The following REDIC1 variants were observed in gnomAD, a reference collection of about 807,000 sequenced individuals.
The protein encoded by REDIC1 is regulator of DNA class I crossover intermediates 1.
chr12:39,666,434 T>A, the REDIC1 span, among the ~76,000 whole-genome samples: 1 of 152,202 alleles, frequency 6.6e-6, no homozygotes, highest in Non-Finnish European at 1.5e-5. Context: ...TCATGGTGGA[T>A]AAGCTTTTTG....
chr12:39,702,943 A>G, the REDIC1 span, among the ~76,000 whole-genome samples: 1 of 152,198 alleles, frequency 6.6e-6, no homozygotes, highest in South Asian at 2.1e-4. Flanking sequence ...TCAAAATAAT[A>G]AGAGCTATCT....
the REDIC1 span, among the ~76,000 whole-genome samples, chr12:39,711,655 GTA>G: frequency 2.0e-3 from 286 of 139,520 alleles, 6 homozygotes; most frequent in African/African-American, 7.1e-3. Flanking sequence ...ACACATGTAT[GTA>G]TGTCTATACA....
the REDIC1 span, among the ~76,000 whole-genome samples, chr12:39,698,368 G>A: frequency 6.6e-6 from 1 of 152,004 alleles, no homozygotes; most frequent in Non-Finnish European, 1.5e-5. Flanking sequence ...GAGTGAAAGA[G>A]GAAGAGACAC....
chr12:39,721,010 C>T, the REDIC1 span: 1 of 1,613,716 alleles, frequency 6.2e-7, no homozygotes, highest in Non-Finnish European at 8.5e-7. Context: ...CAGTGCAATT[C>T]AGCCCACATT....
the REDIC1 span, among the ~76,000 whole-genome samples, chr12:39,695,879 C>G: frequency 6.6e-6 from 1 of 152,332 alleles, no homozygotes; most frequent in East Asian, 1.9e-4. Flanking sequence ...TCCCTCCACC[C>G]TTAGCTTCAG....
At chr12:39,752,187 A>G in the REDIC1 span, among the ~76,000 whole-genome samples, 20,839 of 152,200 alleles carry the variant, frequency 0.14, 1,691 homozygotes, top group East Asian at 0.39. Flanking sequence ...CCATGGACGC[A>G]TATTGGTTTG....
chr12:39,703,072 A>C, the REDIC1 span, among the ~76,000 whole-genome samples: 1 of 152,230 alleles, frequency 6.6e-6, no homozygotes, highest in Non-Finnish European at 1.5e-5. Flanking sequence ...TAGTGTTGGA[A>C]GTTCTGGCCA....
At chr12:39,842,438 G>A in the REDIC1 span, among the ~76,000 whole-genome samples, 1 of 151,898 alleles carries the variant, frequency 6.6e-6, no homozygotes, top group South Asian at 2.1e-4. Context: ...GTAAAGTTAT[G>A]CCATTGAGAA....
At chr12:39,676,204 A>G in the REDIC1 span, among the ~76,000 whole-genome samples, 2 of 152,134 alleles carry the variant, frequency 1.3e-5, no homozygotes, top group East Asian at 3.9e-4. Flanking sequence ...AAAAAAAAAA[A>G]ACCAGATATG....
At chr12:39,746,914 A>C in the REDIC1 span, among the ~76,000 whole-genome samples, 1 of 152,158 alleles carries the variant, frequency 6.6e-6, no homozygotes, top group Non-Finnish European at 1.5e-5. Flanking sequence ...TCCACACCAA[A>C]AACTTATCTG....
chr12:39,800,104 A>G, the REDIC1 span, among the ~76,000 whole-genome samples: 1 of 152,212 alleles, frequency 6.6e-6, no homozygotes, highest in African/African-American at 2.4e-5. Flanking sequence ...TAGGTACAAT[A>G]AAAAATCAGG....
chr12:39,664,686 C>T, the REDIC1 span, among the ~76,000 whole-genome samples: 1 of 152,170 alleles, frequency 6.6e-6, no homozygotes, highest in African/African-American at 2.4e-5. Flanking sequence ...GTTTACAGTC[C>T]CACCAACAGT....
chr12:39,863,368 T>C, the REDIC1 span, among the ~76,000 whole-genome samples: 1 of 152,170 alleles, frequency 6.6e-6, no homozygotes, highest in African/African-American at 2.4e-5. Context: ...GTCATTCCTT[T>C]CCTATATCAG....
the REDIC1 span, among the ~76,000 whole-genome samples, chr12:39,703,777 A>T: frequency 6.6e-6 from 1 of 152,176 alleles, no homozygotes; most frequent in Non-Finnish European, 1.5e-5. Context: ...ATAACGCCAC[A>T]TATCTACAAC....
chr12:39,712,411 C>T, the REDIC1 span, among the ~76,000 whole-genome samples: 1 of 125,272 alleles, frequency 8.0e-6, no homozygotes. Context: ...TATATACATA[C>T]GTATATACAT....
chr12:39,829,847 A>C, the REDIC1 span: 2 of 431,732 alleles, frequency 4.6e-6, no homozygotes, highest in Non-Finnish European at 8.4e-6. Context: ...GCTGCCTAAA[A>C]CTAAAGATCC....
the REDIC1 span, among the ~76,000 whole-genome samples, chr12:39,774,907 T>C: frequency 3.9e-4 from 60 of 152,228 alleles, no homozygotes; most frequent in African/African-American, 1.4e-3. Flanking sequence ...AATGATAACA[T>C]TTAAAGGTGA....
At chr12:39,696,269 C>T in the REDIC1 span, among the ~76,000 whole-genome samples, 13 of 151,940 alleles carry the variant, frequency 8.6e-5, no homozygotes, top group East Asian at 3.9e-4. Context: ...AAGGGCCGGG[C>T]GCGGTGGCTC....
chr12:39,665,478 T>A, the REDIC1 span, among the ~76,000 whole-genome samples: 2 of 150,360 alleles, frequency 1.3e-5, no homozygotes, highest in Non-Finnish European at 1.5e-5. Context: ...TACTGTAGCC[T>A]TGTAGTATAG....
Sources: allele counts gnomAD v4.1 joint callset (sites outside exome capture counted in the v4.1 genomes callset), GRCh38; gene constraint gnomAD v4.1.1; transcripts MANE v1.5; gene names NCBI Gene and HGNC (gene_info 2026-07-23, HGNC 2026-07-21).